GRM5: variants seen among roughly 807,000 people sequenced by gnomAD.
The protein encoded by GRM5 is metabotropic glutamate receptor 5.
A neutral mutation model predicts 83.1 loss-of-function variants in GRM5; 19 were observed. The ratio of observed to expected loss-of-function variants is 0.23; its 90% CI spans 0.16 to 0.34. The LOEUF (loss-of-function observed/expected upper bound fraction) is 0.34, where lower values mean the gene tolerates loss of function less well. Ranked by LOEUF, GRM5 falls within the 10% of genes least tolerant of loss-of-function variation. The pLI, the probability that GRM5 is intolerant of heterozygous loss-of-function variation, is 1.00. For synonymous variants in GRM5, 675 were observed against 633.6 expected (o/e 1.07, Z -0.98); for missense variants, 1,160 against 1,588.3 (o/e 0.73, Z 4.58).
intron 2 of GRM5, among the ~76,000 whole-genome samples, chr11:89,018,854 A>G (rs1940917624): frequency 6.6e-6 from 1 of 152,224 alleles, no homozygotes; most frequent in South Asian, 2.1e-4. Context: ...TAAATATTGC[A>G]CAGAAAGTCC....
At chr11:88,928,118 A>G (rs992298333) in intron 2 of GRM5, among the ~76,000 whole-genome samples, 1 of 152,164 alleles carries the variant, frequency 6.6e-6, no homozygotes, top group African/African-American at 2.4e-5. Flanking sequence ...GGATGGGCAC[A>G]TATGCATTTC....
chr11:88,509,213 A>G lies in GRM5; in HGVS notation c.3018T>C (p.Ala1006=). The change falls in exon 10 of 10, where the codon GCT becomes GCC. Residue 1006 remains alanine, a synonymous_variant. Transcript: ENST00000305447. ...GCGCGGGCGCCGGGAAGTGCTCCTC[A>G]GCCTCGGCCACATCATACAGCGCCT... is the stretch of plus-strand genomic sequence containing the variant. ...GPKALYDVAE[A]EEHFPAPARP... 6.5e-7 allele frequency: 1 copy of G among 1,531,698 alleles called. No individual in the cohort carries two copies. The highest frequency in any genetic ancestry group is 8.8e-7 in the Non-Finnish European group (1 of 1,141,576). The allele number at this position is 1,531,698 out of a possible 1,614,324, so 94.9% of individuals were successfully genotyped here.
At chr11:88,871,088 T>G (rs1468826817) in intron 2 of GRM5, among the ~76,000 whole-genome samples, 1 of 151,542 alleles carries the variant, frequency 6.6e-6, no homozygotes, top group African/African-American at 2.4e-5. Flanking sequence ...TTAAAAATGT[T>G]GAAAAAATGT....
chr11:88,646,284 AATT>A (rs1939443035), intron 4 of GRM5, among the ~76,000 whole-genome samples: 1 of 152,004 alleles, frequency 6.6e-6, no homozygotes, highest in Non-Finnish European at 1.5e-5. Context: ...ATTAGAGAAA[AATT>A]ATACTCTTAA....
chr11:88,749,736 G>C (rs1942224427), intron 3 of GRM5, among the ~76,000 whole-genome samples: 1 of 152,200 alleles, frequency 6.6e-6, no homozygotes, highest in African/African-American at 2.4e-5. Flanking sequence ...TAGACTAACA[G>C]TGGACCTCTC....
chr11:88,883,992 GA>G (rs1338528571), intron 2 of GRM5, among the ~76,000 whole-genome samples: 4 of 152,196 alleles, frequency 2.6e-5, no homozygotes, highest in Non-Finnish European at 5.9e-5. Context: ...CAGCACTATG[GA>G]AGGGAAATGT....
At chr11:89,002,450 A>G (rs778531083) in intron 2 of GRM5, among the ~76,000 whole-genome samples, 1 of 152,180 alleles carries the variant, frequency 6.6e-6, no homozygotes, top group South Asian at 2.1e-4. Context: ...AAAGCTAATA[A>G]CTAGATTTGT....
At chr11:88,672,295 A>T (rs1218932475) in intron 3 of GRM5, among the ~76,000 whole-genome samples, 2 of 152,048 alleles carry the variant, frequency 1.3e-5, no homozygotes, top group Non-Finnish European at 2.9e-5. Flanking sequence ...ATCAACATTT[A>T]TTAAGTATCT....
At chr11:88,527,277 G>T (rs1941902723) in intron 8 of GRM5, among the ~76,000 whole-genome samples, 1 of 152,108 alleles carries the variant, frequency 6.6e-6, no homozygotes, top group South Asian at 2.1e-4. Flanking sequence ...CTTCTGTTAG[G>T]CTAATTGTGA....
intron 3 of GRM5, among the ~76,000 whole-genome samples, chr11:88,700,845 C>T (rs1389754954): frequency 6.6e-6 from 1 of 152,132 alleles, no homozygotes; most frequent in Non-Finnish European, 1.5e-5. Context: ...GAGATACTGG[C>T]TTAGGTACAA....
chr11:88,859,997 T>C (rs1476189988), intron 2 of GRM5, among the ~76,000 whole-genome samples: 3 of 152,110 alleles, frequency 2.0e-5, no homozygotes, highest in African/African-American at 7.2e-5. Flanking sequence ...CTCTTGAAAA[T>C]AGACATACCA....
intron 9 of GRM5, among the ~76,000 whole-genome samples, chr11:88,524,466 C>T (rs926550251): frequency 2.0e-5 from 3 of 152,300 alleles, no homozygotes; most frequent in African/African-American, 7.2e-5. Context: ...GATCCACCCG[C>T]CTTGGCCTCC....
chr11:88,670,625 G>A lies in GRM5; in HGVS notation c.912-17222C>T, dbSNP rs1467163801. Among the ~76,000 whole-genome samples the A allele has an allele frequency of 2.0e-5, 3 of 151,928 alleles. No homozygotes were observed. The East Asian group carries it at 5.8e-4, about 29-fold the overall frequency. ...TAATATAAAAATAGAAAATCCTATA[G>A]AAAAGTAAGTGGTCAGGAAGCTTGA... is the stretch of plus-strand genomic sequence containing the variant. On this transcript the variant is annotated intron_variant, in intron 3 of 9. Coordinates refer to ENST00000305447, the MANE Select transcript of GRM5 (RefSeq NM_001143831.3).
At chr11:89,024,628 G>A (rs1353080268) in intron 2 of GRM5, among the ~76,000 whole-genome samples, 8 of 152,032 alleles carry the variant, frequency 5.3e-5, no homozygotes, top group African/African-American at 1.9e-4. Flanking sequence ...GAAAATATTT[G>A]TATTCTATTA....
Position 88,950,517 on chromosome 11 carries a change from T to TA in GRM5, c.661+96694dup, listed in dbSNP as rs201441225. 3.5e-3 allele frequency among the ~76,000 whole-genome samples: 518 copies of TA among 150,010 alleles called. 4 individuals are homozygous for TA. Among genetic ancestry groups the TA allele is most frequent in the African/African-American group, 0.011 (458 of 40,904 alleles). On this transcript the variant is annotated intron_variant, in intron 2 of 9. Coordinates refer to ENST00000305447, the MANE Select transcript of GRM5 (RefSeq NM_001143831.3). The stretch of plus-strand genomic sequence containing the variant: ...TGCACTAAAATGTTAATGATAAGAA[T>TA]AAAAAAAAACAGAACTAGAAATAAT...
chr11:88,889,500 G>C (rs1024188871), intron 2 of GRM5, among the ~76,000 whole-genome samples: 1 of 152,136 alleles, frequency 6.6e-6, no homozygotes, highest in African/African-American at 2.4e-5. Context: ...AGGCTTGTTG[G>C]TTTCACCTGT....
At chr11:88,766,089 A>T (rs1050686369) in intron 3 of GRM5, among the ~76,000 whole-genome samples, 1 of 151,980 alleles carries the variant, frequency 6.6e-6, no homozygotes, top group Non-Finnish European at 1.5e-5. Context: ...AAAGATGCTC[A>T]TGGATAGGAA....
rs144824153 is a variant in GRM5 at position 88,580,292 on chromosome 11, A to G, written c.1690+10309T>C. On this transcript the variant is annotated intron_variant, in intron 7 of 9. Transcript: ENST00000305447. ...AGATCTGGACAAGATACTTTACATC[A>G]AAATGTTTATTGTGTAGATGATATT... Among the ~76,000 whole-genome samples the G allele has an allele frequency of 7.4e-3, 1,120 of 152,312 alleles. 11 individuals carry two copies. The highest frequency in any genetic ancestry group is 0.026 in the African/African-American group (1,082 of 41,572).
chr11:89,053,930 T>G (rs1460267790), intron 1 of GRM5, among the ~76,000 whole-genome samples: 1 of 152,190 alleles, frequency 6.6e-6, no homozygotes, highest in Non-Finnish European at 1.5e-5. Flanking sequence ...CAGCCTCATG[T>G]GGCTGTAGAA....
Sources: allele counts gnomAD v4.1 joint callset (sites outside exome capture counted in the v4.1 genomes callset), GRCh38; gene constraint gnomAD v4.1.1; transcripts MANE v1.5; gene names NCBI Gene and HGNC (gene_info 2026-07-23, HGNC 2026-07-21).